Variants in ELK3 observed in about 807,000 individuals in gnomAD.
The protein encoded by ELK3 is ETS transcription factor ELK3.
ELK3 carries 10 observed loss-of-function variants against 28.9 expected under a neutral mutation model. The observed-to-expected ratio is 0.35, with a 90% CI of 0.21 to 0.59. The LOEUF is 0.59. Ranked by LOEUF, ELK3 falls within the 20% of genes least tolerant of loss-of-function variation. The pLI is 0.82. For synonymous variants in ELK3, 272 were observed against 243.5 expected, an observed-to-expected ratio of 1.12 and a Z score of -1.09; for missense variants, 463 against 517.3, an observed-to-expected ratio of 0.90 and a Z score of 1.02.
At chr12:96,220,897 A>G (rs971488489) in intron 1 of ELK3, among the ~76,000 whole-genome samples, 1 of 152,132 alleles carries the variant, frequency 6.6e-6, no homozygotes, top group Non-Finnish European at 1.5e-5. Context: ...GCTGCTTCAG[A>G]TGATGGGCGG....
intron 2 of ELK3, among the ~76,000 whole-genome samples, chr12:96,237,927 G>T (rs1951795805): frequency 6.6e-6 from 1 of 152,240 alleles, no homozygotes; most frequent in Admixed American, 6.5e-5. Context: ...TGGTCTGGAA[G>T]GGAACCCAAA....
chr12:96,214,829 C>T (rs770668714), intron 1 of ELK3, among the ~76,000 whole-genome samples: 7 of 151,972 alleles, frequency 4.6e-5, no homozygotes, highest in Non-Finnish European at 1.0e-4. Flanking sequence ...TGTTGTCTTC[C>T]AGTTCTTTGA....
At chr12:96,257,997 A>G (rs1308530688) in intron 3 of ELK3, among the ~76,000 whole-genome samples, 2 of 152,258 alleles carry the variant, frequency 1.3e-5, no homozygotes, top group Non-Finnish European at 2.9e-5. Flanking sequence ...TATGCCAGGC[A>G]CATATCTTAT....
chr12:96,247,788 AAAGG>A lies in ELK3; in HGVS notation c.1002+58_1002+61del, dbSNP rs1951870580. 9 of 1,452,444 alleles carry A rather than the reference AAAGG, an allele frequency of 6.2e-6. No homozygotes were observed. The East Asian group carries it at 9.9e-5, about 16-fold the overall frequency. 90.0% of individuals were successfully genotyped at this position (1,452,444 alleles called of 1,614,324 possible). The stretch of plus-strand genomic sequence containing the variant: ...CAGCCAGCTTCAGTGGCTTAGCAAA[AAAGG>A]AAGAGCAACTAAAGAGACTTCCTTC... On this transcript the variant is annotated intron_variant, in intron 3 of 4. Transcript: ENST00000228741. This position sits in a 1 kb window ranked among gnomAD's most constrained non-coding sequence, Gnocchi z 5.5.
chr12:96,265,561 C>G (rs1476466169), intron 4 of ELK3, among the ~76,000 whole-genome samples: 1 of 152,158 alleles, frequency 6.6e-6, no homozygotes, highest in Non-Finnish European at 1.5e-5. Context: ...TGGCATCCAC[C>G]TGTAGTCCCA....
At chr12:96,260,367 CTTGT>C (rs1159960452) in intron 4 of ELK3, among the ~76,000 whole-genome samples, 1 of 152,172 alleles carries the variant, frequency 6.6e-6, no homozygotes, top group Non-Finnish European at 1.5e-5. Context: ...AATGTAGCAA[CTTGT>C]TTGACATAAA....
intron 4 of ELK3, among the ~76,000 whole-genome samples, chr12:96,262,395 T>C (rs1461131050): frequency 6.6e-6 from 1 of 152,152 alleles, no homozygotes; most frequent in African/African-American, 2.4e-5. Context: ...AGACCAGAGG[T>C]TCCTAGTTTA....
At chr12:96,221,609 G>A (rs1384057626) in intron 1 of ELK3, among the ~76,000 whole-genome samples, 1 of 152,216 alleles carries the variant, frequency 6.6e-6, no homozygotes, top group African/African-American at 2.4e-5. Context: ...GCCGTTCTTA[G>A]TGCCAGTGAA....
intron 2 of ELK3, 125 bp downstream of exon 2, chr12:96,223,898 T>G: frequency 2.1e-6 from 2 of 934,098 alleles, no homozygotes; most frequent in Non-Finnish European, 3.2e-6. Context: ...GGGCAGTGCA[T>G]ACCTTCTTTT....
In ELK3 at chr12:96,247,474, C is replaced by T; in HGVS notation, c.742C>T (p.Pro248Ser). The part of the protein sequence containing the change: ...PFSSRSPSLS[P>S]NSPLPSEHRS... ...CTCATCTCGGTCCCCGTCCCTGTCC[C>T]CCAACTCACCCCTCCCTTCTGAACA... The change falls in exon 3 of 5, where the codon CCC (proline) becomes TCC (serine). Residue 248 changes from proline (P) to serine (S), a missense_variant. By Grantham distance (74) the Pro-to-Ser change is moderately conservative. Coordinates refer to ENST00000228741, the MANE Select transcript of ELK3 (RefSeq NM_005230.4). This position sits in a 1 kb window ranked among gnomAD's most constrained non-coding sequence, Gnocchi z 5.5. 1 of 1,614,114 alleles carries T rather than the reference C, an allele frequency of 6.2e-7. No homozygotes were observed. The highest frequency in any genetic ancestry group is 8.5e-7 in the Non-Finnish European group (1 of 1,180,022).
At chr12:96,259,653 CCT>C (rs1239954721) in intron 3 of ELK3, 76 bp from the exon 4 acceptor site, 81 of 1,482,302 alleles carry the variant, frequency 5.5e-5, no homozygotes, top group Middle Eastern at 5.4e-4. Context: ...GCCTACCTAA[CCT>C]CTCTCTGCTG....
In ELK3 at chr12:96,268,108, T is replaced by C. The variant is rs1046328741; in HGVS notation, c.*928T>C. ...CAGTATAAGTAAGTTGGGGTTCCCC[T>C]GGAACTATAATTAACATTTAAAAAA... On this transcript the variant is annotated 3_prime_UTR_variant, in exon 5 of 5. Coordinates refer to ENST00000228741, the MANE Select transcript of ELK3 (RefSeq NM_005230.4). 6.6e-6 allele frequency: 1 copy of C among 152,228 alleles called. No individual in the cohort carries two copies. Among genetic ancestry groups the C allele is most frequent in the Non-Finnish European group, 1.5e-5 (1 of 68,034 alleles). The allele number at this position is 152,228 out of a possible 1,614,324, so 9.4% of individuals were successfully genotyped here.
At chr12:96,263,110 T>C (rs149590407) in intron 4 of ELK3, among the ~76,000 whole-genome samples, 153 of 152,332 alleles carry the variant, frequency 1.0e-3, no homozygotes, top group Middle Eastern at 6.8e-3. Flanking sequence ...GAAAGGTTGA[T>C]CAGAATCCTT....
At chr12:96,261,853 C>T (rs765257463) in intron 4 of ELK3, among the ~76,000 whole-genome samples, 19 of 152,116 alleles carry the variant, frequency 1.2e-4, no homozygotes, top group Non-Finnish European at 1.8e-4. Flanking sequence ...AGTTGGGATA[C>T]GTGCATCCGC....
At chr12:96,217,392 C>T (rs903048141) in intron 1 of ELK3, among the ~76,000 whole-genome samples, 1 of 152,238 alleles carries the variant, frequency 6.6e-6, no homozygotes, top group Non-Finnish European at 1.5e-5. Context: ...TAATTCTCGT[C>T]TATAGACAGC....
intron 1 of ELK3, among the ~76,000 whole-genome samples, chr12:96,221,740 A>G (rs1951663569): frequency 6.6e-6 from 1 of 152,190 alleles, no homozygotes; most frequent in South Asian, 2.1e-4. Context: ...TGAGATGCAG[A>G]GGTGGTTTTG....
rs1555193134 is a variant in ELK3 at position 96,211,487 on chromosome 12, T to TGTGTGTGTG, written c.-2-12078_-2-12077insGTGTGTGTG. 4.5e-3 allele frequency among the ~76,000 whole-genome samples: 245 copies of TGTGTGTGTG among 54,496 alleles called. 2 individuals are homozygous for TGTGTGTGTG. The highest frequency in any genetic ancestry group is 7.3e-3 in the Non-Finnish European group (150 of 20,578). 35.8% of individuals were successfully genotyped at this position (54,496 alleles called of 152,430 possible). Reference sequence around the variant, plus strand: ...CTGCCCTGGGGATGTCATTGTGTGTTTGTGTGTGTGTGTGTGTGTGTGTGT... The same window carrying TGTGTGTGTG: ...CTGCCCTGGGGATGTCATTGTGTGTTGTGTGTGTGTGTGTGTGTGTGTGTGTGTGTGTGT... On this transcript the variant is annotated intron_variant, in intron 1 of 4. Transcript: ENST00000228741.
intron 1 of ELK3, among the ~76,000 whole-genome samples, chr12:96,209,061 A>G (rs974241795): frequency 6.6e-6 from 1 of 152,206 alleles, no homozygotes; most frequent in Non-Finnish European, 1.5e-5. Flanking sequence ...CTTCCTCCCC[A>G]GGGTTGCACC....
chr12:96,268,558 T>C lies in ELK3; in HGVS notation c.*1378T>C, dbSNP rs1169679351. The C allele has an allele frequency of 6.6e-6, 1 of 152,210 alleles. No homozygotes were observed. The highest frequency in any genetic ancestry group is 1.5e-5 in the Non-Finnish European group (1 of 68,040). 9.4% of individuals were successfully genotyped at this position (152,210 alleles called of 1,614,324 possible). A position where few individuals can be genotyped will look rare whatever the true frequency, so the allele number is the denominator to read the frequency against. On this transcript the variant is annotated 3_prime_UTR_variant, in exon 5 of 5. Transcript: ENST00000228741. ...ACCTGTACATGAAGAAGGAAAGTTC[T>C]AATACAAGAAAACTGAAAAGCACCA...
Sources: gnomAD v4.1 joint callset for allele counts (sites outside exome capture counted in the v4.1 genomes callset) on GRCh38, gnomAD v4.1.1 for gene constraint, Gnocchi (gnomAD v3.1) non-coding constraint, MANE v1.5 for transcripts, NCBI Gene and HGNC (gene_info 2026-07-23, HGNC 2026-07-21) for gene names.